The following ZBTB40 variants were observed in gnomAD, a reference collection of about 807,000 sequenced individuals.
The protein encoded by ZBTB40 is zinc finger and BTB domain-containing protein 40.
ZBTB40 carries 60 observed loss-of-function variants against 117.5 expected under a neutral mutation model. The observed-to-expected ratio is 0.51, with a 90% CI of 0.41 to 0.63. The LOEUF (loss-of-function observed/expected upper bound fraction) is 0.63, where lower values mean the gene tolerates loss of function less well. Among genes scored for constraint, ZBTB40 ranks in the 30% least tolerant of loss-of-function variants. The pLI, the probability that ZBTB40 is intolerant of heterozygous loss-of-function variation, is 0.00. For missense variants in ZBTB40, 1,287 were observed against 1,498.5 expected (o/e 0.86, Z 2.33); for synonymous variants, 525 against 577.1 (o/e 0.91, Z 1.29).
At position 22,501,567 on chromosome 1, in the gene ZBTB40, A is replaced by G; in HGVS notation, c.907A>G (p.Ser303Gly). 6.2e-7 allele frequency: 1 copy of G among 1,614,170 alleles called. No homozygotes were observed. The highest frequency in any genetic ancestry group is 8.5e-7 in the Non-Finnish European group (1 of 1,180,022). Residue 303 changes from serine (S) to glycine (G), a missense_variant, in exon 4 of 18, where the codon AGC becomes GGC. By Grantham distance (56) the Ser-to-Gly change is moderately conservative. This residue lies in a region of ZBTB40 where 870 missense variants were observed against 934.4 expected (regional missense o/e 0.93). Transcript: ENST00000375647. Reference sequence around the variant, plus strand: ...AATCCTGGGTAAAGTAAGAGAGGAAAGCCTGGATGTTCAAACTGTTGTGTC... The same window carrying G: ...AATCCTGGGTAAAGTAAGAGAGGAAGGCCTGGATGTTCAAACTGTTGTGTC... ...QRILGKVREE[S>G]LDVQTVVSLL... is the part of the protein sequence containing the mutation.
intron 1 of ZBTB40, among the ~76,000 whole-genome samples, chr1:22,483,891 A>T (rs1638394458): frequency 6.6e-6 from 1 of 152,190 alleles, no homozygotes; most frequent in African/African-American, 2.4e-5. Context: ...TATTTTACAT[A>T]TAGGTCTCTG....
intron 1 of ZBTB40, among the ~76,000 whole-genome samples, chr1:22,431,384 G>GTATATATATATATATATATA (rs59021263): frequency 2.4e-4 from 29 of 119,678 alleles, no homozygotes; most frequent in African/African-American, 6.7e-4. Context: ...GTGTGTGTGT[G>GTATATATATATATATATATA]TATATATATA....
intron 3 of ZBTB40, among the ~76,000 whole-genome samples, chr1:22,494,937 G>A (rs1263646241): frequency 6.6e-6 from 1 of 152,164 alleles, no homozygotes. Flanking sequence ...TTAGAACAAC[G>A]TTGTTTCACA....
intron 3 of ZBTB40, among the ~76,000 whole-genome samples, chr1:22,496,922 C>G (rs1638792794): frequency 6.6e-6 from 1 of 152,178 alleles, no homozygotes; most frequent in Non-Finnish European, 1.5e-5. Flanking sequence ...AGTCCAAGTC[C>G]CAAAACCTCA....
At position 22,530,458 on chromosome 1, in the gene ZBTB40, G is replaced by A. The variant is rs933513482; in HGVS notation, c.*4062G>A. ...TCGGCCTATAAGGAAGAGAGAAGCT[G>A]TCTGTACTTTGGGGACTACATTGCT... On this transcript the variant is annotated 3_prime_UTR_variant, in exon 18 of 18. Transcript: ENST00000375647. 6 of 152,260 alleles carry A rather than the reference G, an allele frequency of 3.9e-5. No homozygotes were observed. The highest frequency in any genetic ancestry group is 8.8e-5 in the Non-Finnish European group (6 of 68,014). The allele number at this position is 152,260 out of a possible 1,614,324, so 9.4% of individuals were successfully genotyped here. A position where few individuals can be genotyped will look rare whatever the true frequency, so the allele number is the denominator to read the frequency against.
At chr1:22,487,902 C>T (rs769626076) in intron 1 of ZBTB40, among the ~76,000 whole-genome samples, 8 of 152,176 alleles carry the variant, frequency 5.3e-5, no homozygotes, top group Non-Finnish European at 8.8e-5. Flanking sequence ...AGATTCATCT[C>T]TTAACACTCC....
intron 1 of ZBTB40, among the ~76,000 whole-genome samples, chr1:22,460,034 T>C (rs533794794): frequency 1.3e-5 from 2 of 152,338 alleles, no homozygotes; most frequent in Admixed American, 1.3e-4. Flanking sequence ...CCAAACATTT[T>C]GCATGCGACT....
chr1:22,434,587 T>C (rs1261439248), intron 1 of ZBTB40, among the ~76,000 whole-genome samples: 1 of 152,226 alleles, frequency 6.6e-6, no homozygotes, highest in African/African-American at 2.4e-5. Context: ...GATCTTTTTA[T>C]GGTTTATCCT....
intron 3 of ZBTB40, among the ~76,000 whole-genome samples, chr1:22,497,159 G>C (rs907451660): frequency 6.6e-6 from 1 of 152,140 alleles, no homozygotes; most frequent in Non-Finnish European, 1.5e-5. Flanking sequence ...CAGCAAAGTG[G>C]ATCTTTAACT....
intron 1 of ZBTB40, among the ~76,000 whole-genome samples, chr1:22,473,279 A>G (rs1048854710): frequency 1.3e-5 from 2 of 152,166 alleles, no homozygotes; most frequent in African/African-American, 2.4e-5. Flanking sequence ...TCTTATGCAC[A>G]TTAAAGTGTG....
chr1:22,517,720 G>C (rs1639412980), intron 13 of ZBTB40: 2 of 463,060 alleles, frequency 4.3e-6, no homozygotes, highest in Admixed American at 3.7e-5. Flanking sequence ...GGCACCATTT[G>C]TCCAACAGAG....
At chr1:22,496,456 G>A (rs1324234435) in intron 3 of ZBTB40, among the ~76,000 whole-genome samples, 2 of 152,048 alleles carry the variant, frequency 1.3e-5, no homozygotes, top group Non-Finnish European at 2.9e-5. Context: ...ACAGTTGTAG[G>A]GGGACGCTGT....
chr1:22,523,017 G>A (rs375771354), intron 16 of ZBTB40, among the ~76,000 whole-genome samples: 5 of 141,774 alleles, frequency 3.5e-5, no homozygotes, highest in East Asian at 4.5e-4. Flanking sequence ...GCGCGATCTC[G>A]GCTCACTGCA....
intron 1 of ZBTB40, among the ~76,000 whole-genome samples, chr1:22,436,268 T>C (rs1237120770): frequency 6.6e-6 from 1 of 152,096 alleles, no homozygotes. Context: ...TCCCAGCACT[T>C]TGGGAGGGCG....
At position 22,522,601 on chromosome 1, in the gene ZBTB40, T is replaced by C. The variant is rs1038822986; in HGVS notation, c.3298+138T>C. ...TTCTTCATCTATAAAATGGGAACAG[T>C]TGTAGCACCTGCCTCATAGAGTAGT... On this transcript the variant is annotated intron_variant, in intron 16 of 17. Transcript: ENST00000375647. 4.7e-5 allele frequency: 39 copies of C among 823,004 alleles called. No homozygotes were observed. The African/African-American group carries it at 6.1e-4, about 13-fold the overall frequency. 51.0% of individuals were successfully genotyped at this position (823,004 alleles called of 1,614,324 possible).
intron 4 of ZBTB40, among the ~76,000 whole-genome samples, chr1:22,502,067 G>A (rs1638950335): frequency 1.3e-5 from 2 of 152,208 alleles, no homozygotes; most frequent in South Asian, 4.1e-4. Context: ...GTTAACCTCT[G>A]GCTGGCTCTG....
chr1:22,514,498 G>C (rs563841189), intron 12 of ZBTB40, among the ~76,000 whole-genome samples: 6 of 152,060 alleles, frequency 3.9e-5, no homozygotes, highest in Non-Finnish European at 7.4e-5. Flanking sequence ...CCAGGCCTCA[G>C]GCCCGCAGGC....
chr1:22,438,681 C>G (rs1640699663), intron 1 of ZBTB40, among the ~76,000 whole-genome samples: 1 of 152,134 alleles, frequency 6.6e-6, no homozygotes, highest in Non-Finnish European at 1.5e-5. Context: ...CCAACACTTA[C>G]TAGTTTCTGG....
chr1:22,465,150 G>T (rs1641222922), intron 1 of ZBTB40, among the ~76,000 whole-genome samples: 1 of 152,174 alleles, frequency 6.6e-6, no homozygotes, highest in African/African-American at 2.4e-5. Flanking sequence ...GTTGTCTGTC[G>T]AGTGTTCAGC....
Sources: allele counts gnomAD v4.1 joint callset (sites outside exome capture counted in the v4.1 genomes callset), GRCh38; gene constraint gnomAD v4.1.1; regional missense constraint gnomAD v4.1.1; transcripts MANE v1.5; gene names NCBI Gene and HGNC (gene_info 2026-07-23, HGNC 2026-07-21).